PTPRM: variants seen among roughly 807,000 people sequenced by gnomAD.
The protein encoded by PTPRM is protein tyrosine phosphatase receptor type M, also known as receptor-type tyrosine-protein phosphatase mu.
A neutral mutation model predicts 186.7 loss-of-function variants in PTPRM; 47 were observed. The observed-to-expected ratio is 0.25, with a 90% CI of 0.20 to 0.32. The LOEUF (loss-of-function observed/expected upper bound fraction) is 0.32, where lower values mean the gene tolerates loss of function less well. PTPRM is among the 10% of genes least tolerant of loss of function. The pLI is 1.00. For missense variants in PTPRM, 1,494 were observed against 1,865.0 expected, an observed-to-expected ratio of 0.80 and a Z score of 3.66; for synonymous variants, 668 against 674.9, an observed-to-expected ratio of 0.99 and a Z score of 0.16.
intron 23 of PTPRM, among the ~76,000 whole-genome samples, chr18:8,344,448 G>GTATATATATATATATATATATATATATA (rs1207996603): frequency 2.7e-4 from 9 of 33,418 alleles, no homozygotes; most frequent in South Asian, 2.3e-3. Flanking sequence ...GTGTGTGTGT[G>GTATATATATATATATATATATATATATA]TATATATATA....
intron 2 of PTPRM, among the ~76,000 whole-genome samples, chr18:7,850,519 G>A (rs917870020): frequency 2.6e-5 from 4 of 152,182 alleles, no homozygotes; most frequent in Non-Finnish European, 5.9e-5. Flanking sequence ...GAAAAGCTGA[G>A]TGGAGTTTTT....
intron 4 of PTPRM, among the ~76,000 whole-genome samples, chr18:7,910,160 T>G (rs115118944): frequency 2.0e-5 from 3 of 152,220 alleles, no homozygotes; most frequent in African/African-American, 7.2e-5. Context: ...AATTTATCCA[T>G]GTTTAAAGTG....
intron 2 of PTPRM, among the ~76,000 whole-genome samples, chr18:7,874,617 T>C (rs1463812733): frequency 6.6e-6 from 1 of 151,466 alleles, no homozygotes. Context: ...AACCTAAGGT[T>C]TTAATAGAAA....
chr18:7,865,804 G>A (rs139728022), intron 2 of PTPRM, among the ~76,000 whole-genome samples: 5,864 of 152,108 alleles, frequency 0.039, 138 homozygotes, highest in Middle Eastern at 0.11. Context: ...CTGTGAATCC[G>A]TCTGGTCCTG....
At position 7,841,281 on chromosome 18, in the gene PTPRM, CTTTTTTTTTT is replaced by C. The variant is rs34688860; in HGVS notation, c.197-46806_197-46797del. On this transcript the variant is annotated intron_variant, in intron 2 of 32. Transcript: ENST00000580170. ...TGGACATTTTTGGCTCAAATCATTT[CTTTTTTTTTT>C]TTTTTTTTTTTTTTTTTTGAGACGG... is the stretch of plus-strand genomic sequence containing the variant. 7.0e-3 allele frequency among the ~76,000 whole-genome samples: 491 copies of C among 70,232 alleles called. 2 individuals carry two copies. The highest frequency in any genetic ancestry group is 0.026 in the Middle Eastern group (2 of 78). 46.1% of individuals were successfully genotyped at this position (70,232 alleles called of 152,430 possible).
At chr18:7,888,026 A>G (rs375990810) in intron 2 of PTPRM, 80 bp from the exon 3 acceptor site, 86 of 1,559,436 alleles carry the variant, frequency 5.5e-5, no homozygotes, top group Non-Finnish European at 7.3e-5. Flanking sequence ...GTGCCAACCC[A>G]TGTAAATGGT....
intron 14 of PTPRM, among the ~76,000 whole-genome samples, chr18:8,204,790 A>G (rs774787151): frequency 6.6e-6 from 1 of 152,076 alleles, no homozygotes; most frequent in Non-Finnish European, 1.5e-5. Flanking sequence ...AACAAAAACA[A>G]AAACCCTAAC....
At chr18:8,277,232 T>C (rs1213416957) in intron 19 of PTPRM, among the ~76,000 whole-genome samples, 1 of 152,194 alleles carries the variant, frequency 6.6e-6, no homozygotes, top group Non-Finnish European at 1.5e-5. Flanking sequence ...TTTATTTTTA[T>C]TTTTTCCCAA....
At chr18:7,972,479 T>TAAAAAAAAAAAAAAAAAAA (rs11445031) in intron 7 of PTPRM, among the ~76,000 whole-genome samples, 1 of 44,354 alleles carries the variant, frequency 2.3e-5, no homozygotes, top group Non-Finnish European at 3.6e-5. Flanking sequence ...AAAAAAACAT[T>TAAAAAAAAAAAAAAAAAAA]AAAAAAAAAA....
chr18:8,175,833 T>C (rs2093472186), intron 14 of PTPRM, among the ~76,000 whole-genome samples: 2 of 152,180 alleles, frequency 1.3e-5, no homozygotes, highest in Non-Finnish European at 2.9e-5. Flanking sequence ...AGCGTGAGAA[T>C]TGTCTCACCG....
intron 20 of PTPRM, among the ~76,000 whole-genome samples, chr18:8,306,629 T>G (rs553848023): frequency 6.6e-6 from 1 of 152,214 alleles, no homozygotes; most frequent in Non-Finnish European, 1.5e-5. Context: ...CAAAACTGAT[T>G]GAATTCTACA....
chr18:8,390,123 A>T (rs2095801771), intron 31 of PTPRM, among the ~76,000 whole-genome samples: 1 of 152,216 alleles, frequency 6.6e-6, no homozygotes, highest in Non-Finnish European at 1.5e-5. Context: ...GAAAACAGCT[A>T]ATCTTCTAAT....
At chr18:7,976,117 C>T (rs1027914622) in intron 7 of PTPRM, among the ~76,000 whole-genome samples, 4 of 152,022 alleles carry the variant, frequency 2.6e-5, no homozygotes, top group Admixed American at 2.0e-4. Flanking sequence ...TGCAGTGAGC[C>T]AAGATCGCGC....
chr18:8,290,260 A>G (rs1169954411), intron 19 of PTPRM, among the ~76,000 whole-genome samples: 1 of 152,186 alleles, frequency 6.6e-6, no homozygotes. Context: ...TTTTATTCAT[A>G]TGAGAAAGGG....
intron 14 of PTPRM, among the ~76,000 whole-genome samples, chr18:8,169,039 A>G (rs2093360926): frequency 6.6e-6 from 1 of 152,164 alleles, no homozygotes; most frequent in Non-Finnish European, 1.5e-5. Context: ...TTGGAATTAA[A>G]TTTCTCTATA....
intron 7 of PTPRM, among the ~76,000 whole-genome samples, chr18:8,012,196 A>G (rs2084574592): frequency 6.6e-6 from 1 of 152,204 alleles, no homozygotes. Flanking sequence ...GGTAGTTTGT[A>G]TTTTTAGATA....
chr18:7,995,694 G>A (rs1363753965), intron 7 of PTPRM: 2 of 152,160 alleles, frequency 1.3e-5, no homozygotes, highest in Non-Finnish European at 2.9e-5. Flanking sequence ...GCTGACTCTT[G>A]GTGTTGCTTC....
intron 11 of PTPRM, among the ~76,000 whole-genome samples, chr18:8,110,651 A>G (rs1476951379): frequency 6.6e-6 from 1 of 152,164 alleles, no homozygotes; most frequent in Non-Finnish European, 1.5e-5. Context: ...GGAGCCCAGG[A>G]GAACGTCCTC....
At chr18:8,256,050 A>C (rs1231121041) in intron 19 of PTPRM, among the ~76,000 whole-genome samples, 2 of 152,210 alleles carry the variant, frequency 1.3e-5, no homozygotes, top group African/African-American at 4.8e-5. Flanking sequence ...GAATCTGGCA[A>C]ATCCTTAAAC....
Sources: allele counts gnomAD v4.1 joint callset (sites outside exome capture counted in the v4.1 genomes callset), GRCh38; gene constraint gnomAD v4.1.1; transcripts MANE v1.5; gene names NCBI Gene and HGNC (gene_info 2026-07-23, HGNC 2026-07-21).